Variants in TSHZ3 observed in about 807,000 individuals in gnomAD.
TSHZ3 encodes the protein teashirt zinc finger homeobox 3.
Under a neutral mutation model 64.5 loss-of-function variants are expected in TSHZ3, and 10 were observed. The observed-to-expected ratio is 0.16, with a 90% CI of 0.10 to 0.26. The LOEUF (loss-of-function observed/expected upper bound fraction) is 0.26, where lower values mean the gene tolerates loss of function less well. TSHZ3 is among the 10% of genes least tolerant of loss of function. The probability of loss-of-function intolerance (pLI) is 1.00; values close to 1 mark genes in which losing one functional copy is unlikely to be tolerated. For synonymous variants in TSHZ3, 608 were observed against 593.1 expected (o/e 1.03, Z -0.36); for missense variants, 1,242 against 1,421.7 (o/e 0.87, Z 2.03).
intron 1 of TSHZ3, among the ~76,000 whole-genome samples, chr19:31,303,166 T>C (rs954692092): frequency 6.6e-6 from 1 of 152,062 alleles, no homozygotes; most frequent in African/African-American, 2.4e-5. Flanking sequence ...CCCAGGCTAA[T>C]GGGTGGGGTT....
intron 1 of TSHZ3, among the ~76,000 whole-genome samples, chr19:31,306,144 C>T (rs559117760): frequency 3.0e-4 from 46 of 152,316 alleles, no homozygotes; most frequent in African/African-American, 1.1e-3. Context: ...GACGACGGCA[C>T]ACCCACCGTG....
chr19:31,349,446 C>A, upstream of TSHZ3: 1 of 368,258 alleles, frequency 2.7e-6, no homozygotes, highest in South Asian at 9.6e-5. Flanking sequence ...GGAGGGCGGG[C>A]GAGGGAGGCT....
intron 5 of TSHZ3, among the ~76,000 whole-genome samples, chr19:31,201,998 C>A (rs1297685361): frequency 6.6e-6 from 1 of 152,004 alleles, no homozygotes; most frequent in Non-Finnish European, 1.5e-5. Flanking sequence ...AGAACCCCAT[C>A]TCTACTAAAA....
At position 31,322,111 on chromosome 19, in the gene TSHZ3, A is replaced by C. The variant is rs149386181; in HGVS notation, c.40+27069T>G. 5.6e-3 allele frequency among the ~76,000 whole-genome samples: 857 copies of C among 152,246 alleles called. 5 individuals carry two copies. The highest frequency in any genetic ancestry group is 0.021 in the Middle Eastern group (6 of 292). The stretch of plus-strand genomic sequence containing the variant: ...TTTTCTGTTCTTGTGTTAGTTTGCT[A>C]AGAATAATGGTTTTATGTTTGTTTG... On this transcript the variant is annotated intron_variant, in intron 1 of 1. Coordinates refer to ENST00000240587, the MANE Select transcript of TSHZ3 (RefSeq NM_020856.4).
At chr19:31,307,285 T>TA (rs1430707419) in intron 1 of TSHZ3, among the ~76,000 whole-genome samples, 2 of 118,518 alleles carry the variant, frequency 1.7e-5, no homozygotes, top group African/African-American at 7.5e-5. Context: ...ACCCCTTCAT[T>TA]TTTTTTTTCC....
At chr19:31,296,348 T>TAA (rs1568372594) in intron 1 of TSHZ3, among the ~76,000 whole-genome samples, 1 of 149,644 alleles carries the variant, frequency 6.7e-6, no homozygotes, top group Non-Finnish European at 1.5e-5. Flanking sequence ...TTTTTTTTTT[T>TAA]TTTGAGACGA....
At chr19:31,186,516 T>G (rs1227537986) in intron 5 of TSHZ3, among the ~76,000 whole-genome samples, 1 of 152,244 alleles carries the variant, frequency 6.6e-6, no homozygotes, top group Non-Finnish European at 1.5e-5. Flanking sequence ...TGTCAAGTTT[T>G]CTGGGGCCTC....
At chr19:31,238,470 G>T (rs1975648460) in intron 3 of TSHZ3, among the ~76,000 whole-genome samples, 1 of 152,054 alleles carries the variant, frequency 6.6e-6, no homozygotes, top group African/African-American at 2.4e-5. Flanking sequence ...TGGCCAGGCT[G>T]GTCTTGAACT....
At chr19:31,163,074 G>A (rs919243687) in intron 5 of TSHZ3, among the ~76,000 whole-genome samples, 1 of 152,230 alleles carries the variant, frequency 6.6e-6, no homozygotes, top group Non-Finnish European at 1.5e-5. Flanking sequence ...TGTGAAACCA[G>A]GGGAGATGAA....
intron 1 of TSHZ3, among the ~76,000 whole-genome samples, chr19:31,321,188 C>A (rs972470175): frequency 6.6e-6 from 1 of 152,208 alleles, no homozygotes; most frequent in Non-Finnish European, 1.5e-5. Context: ...TGGCCAGCTC[C>A]TTAATGTCTA....
At chr19:31,165,434 TTGGG>T (rs908603931) in intron 5 of TSHZ3, among the ~76,000 whole-genome samples, 3 of 152,196 alleles carry the variant, frequency 2.0e-5, no homozygotes, top group African/African-American at 7.2e-5. Context: ...AAAAAGATCT[TTGGG>T]TGGTCTATAA....
intron 5 of TSHZ3, among the ~76,000 whole-genome samples, chr19:31,170,968 G>C (rs989538134): frequency 1.3e-5 from 2 of 152,188 alleles, no homozygotes; most frequent in Non-Finnish European, 2.9e-5. Flanking sequence ...TCAGCAATCA[G>C]TTTAATTACA....
chr19:31,208,212 C>A (rs2145157055), intron 4 of TSHZ3, among the ~76,000 whole-genome samples: 1 of 152,314 alleles, frequency 6.6e-6, no homozygotes, highest in South Asian at 2.1e-4. Flanking sequence ...GATATCAAAG[C>A]AAAAGCTGAA....
At chr19:31,349,994 G>C (rs1326820207), upstream of TSHZ3, among the ~76,000 whole-genome samples, 1 of 137,668 alleles carries the variant, frequency 7.3e-6, no homozygotes, top group Non-Finnish European at 1.6e-5. Context: ...GCGCACACGC[G>C]GGGGCGCGGC....
chr19:31,266,492 C>T (rs1237096970), intron 1 of TSHZ3, among the ~76,000 whole-genome samples: 1 of 152,054 alleles, frequency 6.6e-6, no homozygotes, highest in East Asian at 1.9e-4. Context: ...GGGCTTATTC[C>T]CCCTTTGGCA....
intron 3 of TSHZ3, among the ~76,000 whole-genome samples, chr19:31,235,254 T>C (rs1975590541): frequency 6.6e-6 from 1 of 152,186 alleles, no homozygotes; most frequent in South Asian, 2.1e-4. Context: ...TACAGATTAA[T>C]CTACTATTGT....
At chr19:31,335,873 G>A (rs1387692403) in intron 1 of TSHZ3, among the ~76,000 whole-genome samples, 1 of 152,220 alleles carries the variant, frequency 6.6e-6, no homozygotes, top group Non-Finnish European at 1.5e-5. Context: ...GTCACACCAT[G>A]AGGTGCAGCC....
At chr19:31,194,347 T>A (rs1974954690) in intron 5 of TSHZ3, among the ~76,000 whole-genome samples, 1 of 152,218 alleles carries the variant, frequency 6.6e-6, no homozygotes, top group East Asian at 1.9e-4. Context: ...CAGAGCATTC[T>A]GTTCTTCTTA....
chr19:31,247,097 T>A (rs1245098114), intron 1 of TSHZ3, among the ~76,000 whole-genome samples: 1 of 152,094 alleles, frequency 6.6e-6, no homozygotes, highest in East Asian at 1.9e-4. Flanking sequence ...GTAGAAGGAA[T>A]ACTATAATTA....
Sources: gnomAD v4.1 joint callset for allele counts (sites outside exome capture counted in the v4.1 genomes callset) on GRCh38, gnomAD v4.1.1 for gene constraint, MANE v1.5 for transcripts, NCBI Gene and HGNC (gene_info 2026-07-23, HGNC 2026-07-21) for gene names.